CEP126: variants seen among roughly 807,000 people sequenced by gnomAD.
The protein encoded by CEP126 is centrosomal protein of 126 kDa.
In CEP126, 74 loss-of-function variants were observed where a neutral mutation model predicts 107.8. The ratio of observed to expected loss-of-function variants is 0.69; its 90% CI spans 0.57 to 0.83. The LOEUF (loss-of-function observed/expected upper bound fraction) is 0.83, where lower values mean the gene tolerates loss of function less well. Among genes scored for constraint, CEP126 ranks in the 40% least tolerant of loss-of-function variants. The pLI is 0.00. For synonymous variants in CEP126, 449 were observed against 446.0 expected (o/e 1.01, Z -0.08); for missense variants, 1,237 against 1,281.9 (o/e 0.96, Z 0.53).
rs1941476211 is a variant in CEP126, at chr11:101,998,968, G to A, written c.*1325G>A. On this transcript the variant is annotated 3_prime_UTR_variant, in exon 11 of 11. Coordinates refer to ENST00000263468, the MANE Select transcript of CEP126 (RefSeq NM_020802.4). ...TTAGTAGAAATGGAAACTATTGGAT[G>A]AAATGAGGAAAAACAGGAAAAGAAT... The A allele has an allele frequency of 6.6e-6, 1 of 152,060 alleles. No individual in the cohort carries two copies. The highest frequency in any genetic ancestry group is 1.5e-5 in the Non-Finnish European group (1 of 68,022). The allele number at this position is 152,060 out of a possible 1,614,324, so 9.4% of individuals were successfully genotyped here. A position where few individuals can be genotyped will look rare whatever the true frequency, so the allele number is the denominator to read the frequency against.
chr11:101,930,351 A>C (rs1940477873), intron 2 of CEP126, among the ~76,000 whole-genome samples: 1 of 152,146 alleles, frequency 6.6e-6, no homozygotes, highest in African/African-American at 2.4e-5. Flanking sequence ...TACAGTGTAA[A>C]TGTTATGTAA....
rs774551522 is a variant in CEP126 at position 101,963,218 on chromosome 11, C to T, written c.2183C>T (p.Ala728Val). The change falls in exon 6 of 11, where the codon GCC becomes GTC. Residue 728 changes from alanine to valine, a missense_variant. Around this residue, in one of 3 missense-constraint regions of CEP126, gnomAD observed 1,134 missense variants for 1,150.5 expected, o/e 0.99. Coordinates refer to ENST00000263468, the MANE Select transcript of CEP126 (RefSeq NM_020802.4). ...AACTTTGCTAAACATGCCTGGCCAG[C>T]CTCAAAAAAAGAAGAAAGTAAAATC... ...GYNFAKHAWP[A>V]SKKEESKIPV... 1.9e-6 allele frequency: 3 copies of T among 1,613,816 alleles called. No individual in the cohort carries two copies. In the East Asian group the frequency reaches 6.7e-5, roughly 36 times the overall value.
At position 101,962,373 on chromosome 11, in the gene CEP126, A is replaced by G. The variant is rs1189114670; in HGVS notation, c.1338A>G (p.Glu446=). ...AGAAATATTCTGAATTAAATCAAGA[A>G]AATGGAACTACTTCAATTCCTACTT... ...DQEKYSELNQ[E]NGTTSIPTSC... is the part of the protein sequence containing the mutation. Residue 446 remains glutamate, a synonymous_variant, in exon 6 of 11, where the codon GAA becomes GAG. Transcript: ENST00000263468. 1.2e-5 allele frequency: 20 copies of G among 1,613,838 alleles called. No individual in the cohort carries two copies. The East Asian group carries it at 4.0e-4, about 32-fold the overall frequency.
At chr11:101,928,957 A>G (rs1189025790) in intron 2 of CEP126, among the ~76,000 whole-genome samples, 1 of 152,200 alleles carries the variant, frequency 6.6e-6, no homozygotes, top group Non-Finnish European at 1.5e-5. Flanking sequence ...TTATACCTGT[A>G]TATCAATGTG....
In CEP126 at chr11:101,963,689, CTT is replaced by C. The variant is rs1941019352; in HGVS notation, c.2656_2657del (p.Phe886ArgfsTer29). 1 of 1,614,104 alleles carries C rather than the reference CTT, an allele frequency of 6.2e-7. No individual in the cohort carries two copies. The highest frequency in any genetic ancestry group is 8.5e-7 in the Non-Finnish European group (1 of 1,180,020). ...TCATATTGTTCTTCAGAGTGCCAAA[CTT>C]TCGCAAAAATAAATCATTCAAATGG... On this transcript the variant is annotated frameshift_variant, in exon 6 of 11. Transcript: ENST00000263468. LOFTEE classifies it high-confidence loss of function.
rs1216077300 is a variant in CEP126 at position 101,999,347 on chromosome 11, A to G, written c.*1704A>G. On this transcript the variant is annotated 3_prime_UTR_variant, in exon 11 of 11. Coordinates refer to ENST00000263468, the MANE Select transcript of CEP126 (RefSeq NM_020802.4). ...GGTTTATATTCATATACACTAGTAT[A>G]TATGTACACAGCAGCATCCTGCATG... 1.3e-5 allele frequency: 2 copies of G among 152,030 alleles called. No individual in the cohort carries two copies. Among genetic ancestry groups the G allele is most frequent in the Admixed American group, 6.6e-5 (1 of 15,262 alleles). The allele number at this position is 152,030 out of a possible 1,614,324, so 9.4% of individuals were successfully genotyped here.
chr11:101,919,214 G>A (rs1022432291), intron 1 of CEP126, among the ~76,000 whole-genome samples: 1 of 152,154 alleles, frequency 6.6e-6, no homozygotes, highest in African/African-American at 2.4e-5. Context: ...GAGTACCTGA[G>A]TTAAGGGAGA....
In CEP126 at chr11:101,963,547, T is replaced by C. The variant is rs1397208890; in HGVS notation, c.2512T>C (p.Phe838Leu). Reference sequence around the variant, plus strand: ...TCAAAACATTATTACACATAACTCTTTTAATTCAAAACATGTGCTTCCAAC... The same window carrying C: ...TCAAAACATTATTACACATAACTCTCTTAATTCAAAACATGTGCTTCCAAC... ...NPQNIITHNS[F>L]NSKHVLPTEH... The change falls in exon 6 of 11, where the codon TTT (phenylalanine) becomes CTT (leucine). Residue 838 changes from phenylalanine to leucine, a missense_variant. This residue lies in a region of CEP126 where 1,134 missense variants were observed against 1,150.5 expected (regional missense o/e 0.99). Transcript: ENST00000263468. 2 of 1,614,012 alleles carry C rather than the reference T, an allele frequency of 1.2e-6. No homozygotes were observed. The highest frequency in any genetic ancestry group is 2.2e-5 in the East Asian group (1 of 44,894).
At chr11:101,956,051 A>G (rs184159349) in intron 4 of CEP126, 114 of 456,576 alleles carry the variant, frequency 2.5e-4, no homozygotes, top group Admixed American at 8.0e-4. Flanking sequence ...TACTTCCAGC[A>G]TTTCTAGCAG....
At position 101,973,684 on chromosome 11, in the gene CEP126, A is replaced by G. The variant is rs1309982799; in HGVS notation, c.2846-4663A>G. Among the ~76,000 whole-genome samples, 6 of 152,180 alleles carry G rather than the reference A, an allele frequency of 3.9e-5. No homozygotes were observed. In the East Asian group the frequency reaches 1.2e-3, roughly 29 times the overall value. Reference sequence around the variant, plus strand: ...CTTAAAATTTTTTTTAAAAAGCAATAAATTAGGTTTTAATAAAAAGGCATA... The same window carrying G: ...CTTAAAATTTTTTTTAAAAAGCAATGAATTAGGTTTTAATAAAAAGGCATA... On this transcript the variant is annotated intron_variant, in intron 6 of 10. Transcript: ENST00000263468.
intron 10 of CEP126, among the ~76,000 whole-genome samples, chr11:101,995,228 T>C (rs931124215): frequency 3.3e-5 from 5 of 152,190 alleles, no homozygotes; most frequent in Non-Finnish European, 7.3e-5. Context: ...GTGTACTTTG[T>C]ACCACCTACA....
chr11:101,962,521 G>T lies in CEP126; in HGVS notation c.1486G>T (p.Glu496Ter), dbSNP rs377444671. 5 of 1,612,952 alleles carry T rather than the reference G, an allele frequency of 3.1e-6. No individual in the cohort carries two copies. The highest frequency in any genetic ancestry group is 4.2e-6 in the Non-Finnish European group (5 of 1,179,634). The change falls in exon 6 of 11, where the codon GAA becomes TAA. Residue 496 changes from glutamate (E) to a stop codon, truncating the protein, a stop_gained. Coordinates refer to ENST00000263468, the MANE Select transcript of CEP126 (RefSeq NM_020802.4). LOFTEE classifies it high-confidence loss of function. ...DAVQCSDKLDELKDGKEEEIK... is the reference protein window; with the variant it reads ...DAVQCSDKLD ...AGTGCAGTGTTCTGATAAGTTAGAT[G>T]AATTGAAAGATGGTAAAGAAGAAGA...
intron 2 of CEP126, among the ~76,000 whole-genome samples, chr11:101,937,266 G>A (rs757322637): frequency 1.3e-5 from 2 of 152,142 alleles, no homozygotes; most frequent in African/African-American, 2.4e-5. Flanking sequence ...GAATTTATAT[G>A]TTACTGATAA....
In CEP126 at chr11:102,000,166, A is replaced by T. The variant is rs754277567; in HGVS notation, c.*2523A>T. 2.6e-5 allele frequency: 4 copies of T among 152,024 alleles called. No homozygotes were observed. The highest frequency in any genetic ancestry group is 4.8e-5 in the African/African-American group (2 of 41,382). 9.4% of individuals were successfully genotyped at this position (152,024 alleles called of 1,614,324 possible). On this transcript the variant is annotated 3_prime_UTR_variant, in exon 11 of 11. Transcript: ENST00000263468. The stretch of plus-strand genomic sequence containing the variant: ...TGCACCAGCCTGGCAACAGAGCAAG[A>T]CTCCGTCTCACAAAAATGAATAAAT...
intron 6 of CEP126, among the ~76,000 whole-genome samples, chr11:101,971,296 T>G (rs1941124840): frequency 6.6e-6 from 1 of 151,524 alleles, no homozygotes. Flanking sequence ...TTTAAAACTC[T>G]GAATAACAAC....
At chr11:101,964,506 G>A (rs1941036146) in intron 6 of CEP126, among the ~76,000 whole-genome samples, 1 of 152,010 alleles carries the variant, frequency 6.6e-6, no homozygotes, top group Admixed American at 6.6e-5. Context: ...GGTGGCGCGT[G>A]CCTGTAATCC....
At chr11:101,994,040 C>A (rs1408756711) in intron 10 of CEP126, among the ~76,000 whole-genome samples, 1 of 152,100 alleles carries the variant, frequency 6.6e-6, no homozygotes, top group African/African-American at 2.4e-5. Flanking sequence ...TCGAGACCAG[C>A]CTGGCCAACA....
intron 9 of CEP126, 56 bp from the exon 10 acceptor site, chr11:101,992,722 T>G: frequency 4.2e-6 from 4 of 959,750 alleles, no homozygotes; most frequent in Non-Finnish European, 4.5e-6. Context: ...TTAGTCATTC[T>G]TCTATTTCTA....
intron 3 of CEP126, among the ~76,000 whole-genome samples, chr11:101,944,750 T>G (rs74475621): frequency 1.3e-5 from 2 of 152,196 alleles, no homozygotes; most frequent in Non-Finnish European, 2.9e-5. Flanking sequence ...TTTATTCTAG[T>G]ATTTTTTAAT....
Sources: allele counts gnomAD v4.1 joint callset (sites outside exome capture counted in the v4.1 genomes callset), GRCh38; gene constraint gnomAD v4.1.1; regional missense constraint gnomAD v4.1.1; transcripts MANE v1.5; gene names NCBI Gene and HGNC (gene_info 2026-07-23, HGNC 2026-07-21).